SNX13: variants seen among roughly 807,000 people sequenced by gnomAD.
The protein encoded by SNX13 is sorting nexin-13.
A neutral mutation model predicts 133.6 loss-of-function variants in SNX13; 45 were observed. That is an observed-to-expected ratio of 0.34 (90% CI 0.27 to 0.43). The LOEUF (loss-of-function observed/expected upper bound fraction) is 0.43, where lower values mean the gene tolerates loss of function less well. SNX13 is among the 20% of genes least tolerant of loss of function. The probability of loss-of-function intolerance (pLI) is 1.00; values close to 1 mark genes in which losing one functional copy is unlikely to be tolerated. For synonymous variants in SNX13, 414 were observed against 373.9 expected, an observed-to-expected ratio of 1.11 and a Z score of -1.24; for missense variants, 1,032 against 1,145.1, an observed-to-expected ratio of 0.90 and a Z score of 1.43.
At chr7:17,803,631 A>G in intron 20 of SNX13, 51 bp from the exon 21 acceptor site, 1 of 1,497,884 alleles carries the variant, frequency 6.7e-7, no homozygotes, top group South Asian at 1.3e-5. Context: ...CAGAGTTGTT[A>G]TCCAAATGAC....
chr7:17,927,000 G>T (rs1202559991), intron 1 of SNX13, among the ~76,000 whole-genome samples: 4 of 151,970 alleles, frequency 2.6e-5, no homozygotes, highest in African/African-American at 9.7e-5. Context: ...TACCTTACCA[G>T]CAATCAAAGA....
chr7:17,823,287 A>G (rs1448378240), intron 17 of SNX13, among the ~76,000 whole-genome samples: 5 of 152,304 alleles, frequency 3.3e-5, no homozygotes. Flanking sequence ...ATCTCATAGC[A>G]GTTCAGACTA....
chr7:17,829,750 A>T, intron 16 of SNX13, among the ~76,000 whole-genome samples: 1 of 151,384 alleles, frequency 6.6e-6, no homozygotes, highest in East Asian at 1.9e-4. Flanking sequence ...AAATCAATTT[A>T]TTTATAAAAT....
Position 17,793,913 on chromosome 7 carries a change from G to T in SNX13, c.*132C>A. 1.1e-6 allele frequency: 1 copy of T among 917,904 alleles called. No individual in the cohort carries two copies. Among genetic ancestry groups the T allele is most frequent in the Non-Finnish European group, 1.6e-6 (1 of 620,120 alleles). 56.9% of individuals were successfully genotyped at this position (917,904 alleles called of 1,614,324 possible). On this transcript the variant is annotated 3_prime_UTR_variant, in exon 26 of 26. Coordinates refer to ENST00000428135, the MANE Select transcript of SNX13 (RefSeq NM_015132.5). Reference sequence around the variant, plus strand: ...GAATGAGAAGAACCACAGACTTATGGATGTATTAATAATCTATTTTGAGAC... The same window carrying T: ...GAATGAGAAGAACCACAGACTTATGTATGTATTAATAATCTATTTTGAGAC...
intron 13 of SNX13, among the ~76,000 whole-genome samples, chr7:17,837,060 C>G (rs971069784): frequency 6.6e-6 from 1 of 151,868 alleles, no homozygotes; most frequent in South Asian, 2.1e-4. Flanking sequence ...ATTTTTAGCT[C>G]TGCTCTTTTC....
chr7:17,893,299 C>A, intron 3 of SNX13, 33 bp downstream of exon 3: 2 of 1,405,118 alleles, frequency 1.4e-6, no homozygotes, highest in Non-Finnish European at 2.0e-6. Context: ...AAGAACTGGA[C>A]TTTGAGGTTT....
At chr7:17,809,894 T>C (rs1384856981) in intron 20 of SNX13, among the ~76,000 whole-genome samples, 1 of 151,640 alleles carries the variant, frequency 6.6e-6, no homozygotes, top group Non-Finnish European at 1.5e-5. Flanking sequence ...GAAATAAAGG[T>C]AGAAATAAAT....
At chr7:17,819,696 A>C (rs1437477453) in intron 18 of SNX13, among the ~76,000 whole-genome samples, 29 of 152,138 alleles carry the variant, frequency 1.9e-4, no homozygotes. Flanking sequence ...TTTATAAGGG[A>C]TTTGAGTTTT....
At chr7:17,878,425 G>C (rs1382982029) in intron 5 of SNX13, among the ~76,000 whole-genome samples, 1 of 152,122 alleles carries the variant, frequency 6.6e-6, no homozygotes, top group Non-Finnish European at 1.5e-5. Context: ...TATCTTGACA[G>C]AATGGTTGCA....
At chr7:17,920,113 C>T (rs1404130092) in intron 1 of SNX13, among the ~76,000 whole-genome samples, 1 of 152,158 alleles carries the variant, frequency 6.6e-6, no homozygotes, top group African/African-American at 2.4e-5. Flanking sequence ...CCTTGCGTTT[C>T]ACAATTCAAA....
chr7:17,911,841 A>AAG (rs1458519597), intron 1 of SNX13, among the ~76,000 whole-genome samples: 1 of 151,728 alleles, frequency 6.6e-6, no homozygotes, highest in Non-Finnish European at 1.5e-5. Context: ...TTTTTTTAAA[A>AAG]AGAGAGAGAG....
rs554914578 is a variant in SNX13 at position 17,909,337 on chromosome 7, A to T, written c.13-11891T>A. On this transcript the variant is annotated intron_variant, in intron 1 of 25. Transcript: ENST00000428135. ...GGCAGAAATACGACTTGACCCAGCAATCCCATTACTGGGTATATACCCAAA... is the reference window on the plus strand; with the variant it reads ...GGCAGAAATACGACTTGACCCAGCATTCCCATTACTGGGTATATACCCAAA... Among the ~76,000 whole-genome samples, 17 of 152,312 alleles carry T rather than the reference A, an allele frequency of 1.1e-4. No homozygotes were observed. In the East Asian group the frequency reaches 2.3e-3, roughly 21 times the overall value.
chr7:17,921,119 T>C (rs1320921597), intron 1 of SNX13, among the ~76,000 whole-genome samples: 1 of 152,014 alleles, frequency 6.6e-6, no homozygotes, highest in African/African-American at 2.4e-5. Flanking sequence ...GCACAATCAA[T>C]CCAAACCCCT....
chr7:17,821,521 T>G lies in SNX13; in HGVS notation c.1833A>C (p.Arg611Ser). Residue 611 changes from arginine to serine, a missense_variant, in exon 18 of 26, where the codon AGA becomes AGC. Arg to Ser is a moderately radical substitution (Grantham distance 110). Transcript: ENST00000428135. Reference protein sequence around the residue: ...RYSDFHDFHMRITEQFESLSS... With the variant: ...RYSDFHDFHMSITEQFESLSS... ...AAAACTTCATTACCTGTTCAGTGATTCTCATGTGGAAGTCATGGAAGTCAC... is the reference window on the plus strand; with the variant it reads ...AAAACTTCATTACCTGTTCAGTGATGCTCATGTGGAAGTCATGGAAGTCAC... The G allele has an allele frequency of 6.2e-7, 1 of 1,611,428 alleles. No individual in the cohort carries two copies. The highest frequency in any genetic ancestry group is 8.5e-7 in the Non-Finnish European group (1 of 1,178,872).
chr7:17,871,774 C>A (rs886420144), intron 8 of SNX13, among the ~76,000 whole-genome samples: 30 of 152,212 alleles, frequency 2.0e-4, no homozygotes, highest in African/African-American at 7.2e-4. Flanking sequence ...TTTTCCCCTA[C>A]TGCAACAGTT....
In SNX13 at chr7:17,924,604, C is replaced by T. The variant is rs530750059; in HGVS notation, c.12+15680G>A. On this transcript the variant is annotated intron_variant, in intron 1 of 25. Transcript: ENST00000428135. ...TACTGTATAACCCAGCAATTCCATT[C>T]CTAGGTATAGACTCAAAAGAAATGA... 5.9e-5 allele frequency among the ~76,000 whole-genome samples: 9 copies of T among 152,260 alleles called. No homozygotes were observed. In the East Asian group the frequency reaches 1.7e-3, roughly 29 times the overall value.
chr7:17,842,076 G>A (rs1220911406), intron 12 of SNX13, among the ~76,000 whole-genome samples: 1 of 151,880 alleles, frequency 6.6e-6, no homozygotes, highest in Non-Finnish European at 1.5e-5. Context: ...TTGAAGAAAT[G>A]ACTGAAAATT....
intron 25 of SNX13, chr7:17,796,037 C>T (rs1214793739): frequency 6.6e-6 from 1 of 151,622 alleles, no homozygotes; most frequent in Non-Finnish European, 1.5e-5. Flanking sequence ...ACAAATATGT[C>T]TGTTCATTCT....
At chr7:17,842,591 TA>T (rs1263658956) in intron 12 of SNX13, among the ~76,000 whole-genome samples, 1 of 152,072 alleles carries the variant, frequency 6.6e-6, no homozygotes. Context: ...TTTGTAACTC[TA>T]TTTTTTTGTT....
Sources: gnomAD v4.1 joint callset for allele counts (sites outside exome capture counted in the v4.1 genomes callset) on GRCh38, gnomAD v4.1.1 for gene constraint, MANE v1.5 for transcripts, NCBI Gene and HGNC (gene_info 2026-07-23, HGNC 2026-07-21) for gene names.